CHRM5: variants seen among roughly 807,000 people sequenced by gnomAD.
CHRM5 encodes muscarinic acetylcholine receptor M5.
A neutral mutation model predicts 39.0 loss-of-function variants in CHRM5; 18 were observed. The ratio of observed to expected loss-of-function variants is 0.46; its 90% CI spans 0.32 to 0.68. The LOEUF (loss-of-function observed/expected upper bound fraction) is 0.68. Among genes scored for constraint, CHRM5 ranks in the 30% least tolerant of loss-of-function variants. CHRM5 has a pLI of 0.04. For missense variants in CHRM5, 515 were observed against 651.1 expected, an observed-to-expected ratio of 0.79 and a Z score of 2.28; for synonymous variants, 241 against 246.3, an observed-to-expected ratio of 0.98 and a Z score of 0.20.
Position 34,009,981 on chromosome 15 carries a change from CAT to C in CHRM5, c.-407-36557_-407-36556del, listed in dbSNP as rs1177610579. 7.2e-5 allele frequency among the ~76,000 whole-genome samples: 11 copies of C among 151,806 alleles called. No individual in the cohort carries two copies. The East Asian group carries it at 2.1e-3, about 29-fold the overall frequency. On this transcript the variant is annotated intron_variant, in intron 1 of 2. Coordinates refer to ENST00000383263, the MANE Select transcript of CHRM5 (RefSeq NM_012125.4). ...TGTCTCTTAAAAGAAAAAAAAGAAA[CAT>C]AATAATTATGAACATATAAACATAT...
intron 1 of CHRM5, among the ~76,000 whole-genome samples, chr15:34,005,747 C>A (rs552677943): frequency 6.6e-6 from 1 of 152,286 alleles, no homozygotes; most frequent in East Asian, 1.9e-4. Flanking sequence ...AAATTTAACA[C>A]TAGTCAATAA....
intron 1 of CHRM5, among the ~76,000 whole-genome samples, chr15:34,023,137 C>T (rs1004755698): frequency 3.9e-5 from 6 of 152,032 alleles, no homozygotes; most frequent in Admixed American, 6.6e-5. Flanking sequence ...ACTGAGATCG[C>T]GCCACTGCGC....
intron 1 of CHRM5, among the ~76,000 whole-genome samples, chr15:33,997,080 G>GA (rs1170055566): frequency 3.3e-5 from 5 of 152,012 alleles, no homozygotes; most frequent in Admixed American, 6.6e-5. Flanking sequence ...CATTCTTCAG[G>GA]AAAAAAAGCA....
At chr15:34,026,188 T>C (rs1355080733) in intron 1 of CHRM5, among the ~76,000 whole-genome samples, 1 of 152,232 alleles carries the variant, frequency 6.6e-6, no homozygotes, top group Non-Finnish European at 1.5e-5. Context: ...ATTGTCATTT[T>C]TTTTTTACTT....
intron 1 of CHRM5, among the ~76,000 whole-genome samples, chr15:34,036,695 T>C (rs1314725325): frequency 6.6e-6 from 1 of 152,170 alleles, no homozygotes; most frequent in Non-Finnish European, 1.5e-5. Context: ...GCTGAAAACA[T>C]GATGATGAAG....
At chr15:33,986,554 G>A (rs953738496) in intron 1 of CHRM5, among the ~76,000 whole-genome samples, 75 of 152,190 alleles carry the variant, frequency 4.9e-4, no homozygotes, top group Non-Finnish European at 1.0e-3. Context: ...GAAACTTAAT[G>A]ATTTTTTAAA....
chr15:34,033,195 A>T (rs914066422), intron 1 of CHRM5, among the ~76,000 whole-genome samples: 101 of 152,258 alleles, frequency 6.6e-4, no homozygotes, highest in African/African-American at 2.0e-3. Flanking sequence ...TTCACAATGA[A>T]GTTTTACCTT....
rs1284483176 is a variant in CHRM5, at chr15:34,066,348, T to G, written c.*2032T>G. The stretch of plus-strand genomic sequence containing the variant: ...TGAAAACCCCTTCATGAGAATAGGC[T>G]TTTAAGCCCATGTTGGGCATTCACC... On this transcript the variant is annotated 3_prime_UTR_variant, in exon 3 of 3. Coordinates refer to ENST00000383263, the MANE Select transcript of CHRM5 (RefSeq NM_012125.4). 2.0e-5 allele frequency: 3 copies of G among 152,244 alleles called. No homozygotes were observed. Among genetic ancestry groups the G allele is most frequent in the African/African-American group, 7.2e-5 (3 of 41,456 alleles). The allele number at this position is 152,244 out of a possible 1,614,324, so 9.4% of individuals were successfully genotyped here. A position where few individuals can be genotyped will look rare whatever the true frequency, so the allele number is the denominator to read the frequency against.
chr15:34,003,638 G>A (rs570017661), intron 1 of CHRM5, among the ~76,000 whole-genome samples: 1 of 152,208 alleles, frequency 6.6e-6, no homozygotes, highest in African/African-American at 2.4e-5. Flanking sequence ...TAATTTTTTA[G>A]AGCAATGAAA....
chr15:33,993,725 T>G (rs530113765), intron 1 of CHRM5, among the ~76,000 whole-genome samples: 16 of 152,284 alleles, frequency 1.1e-4, no homozygotes, highest in African/African-American at 3.8e-4. Flanking sequence ...TACCGGGCCC[T>G]CCTCAATCAT....
At position 34,063,943 on chromosome 15, in the gene CHRM5, T is replaced by A. The variant is rs1177548497; in HGVS notation, c.1226T>A (p.Val409Glu). 1 of 1,614,150 alleles carries A rather than the reference T, an allele frequency of 6.2e-7. No individual in the cohort carries two copies. The highest frequency in any genetic ancestry group is 8.5e-7 in the Non-Finnish European group (1 of 1,180,026). ...AAAATCATGCCCTGCCCCTTCCCAG[T>A]GGCCAAGGAACCTTCAACGAAAGGC... ...KVKIMPCPFP[V>E]AKEPSTKGLN... Residue 409 changes from valine (V) to glutamate (E), a missense_variant, in exon 3 of 3, where the codon GTG (valine) becomes GAG (glutamate). By Grantham distance (121) the Val-to-Glu change is moderately radical. Transcript: ENST00000383263. This position sits in a 1 kb window ranked among gnomAD's most constrained non-coding sequence, Gnocchi z 4.1.
At position 34,062,820 on chromosome 15, in the gene CHRM5, G is replaced by T; in HGVS notation, c.103G>T (p.Ala35Ser). 4 of 1,614,210 alleles carry T rather than the reference G, an allele frequency of 2.5e-6. No individual in the cohort carries two copies. The highest frequency in any genetic ancestry group is 2.2e-5 in the South Asian group (2 of 91,080). ...HRLWEVITIA[A>S]VTAVVSLITI... ...GTTGTGGGAAGTCATCACCATTGCA[G>T]CTGTGACTGCTGTGGTAAGCCTGAT... Residue 35 changes from alanine (A) to serine (S), a missense_variant, in exon 3 of 3, where the codon GCT (alanine) becomes TCT (serine). Physicochemically the swap from Ala to Ser is moderately conservative, Grantham distance 99. Coordinates refer to ENST00000383263, the MANE Select transcript of CHRM5 (RefSeq NM_012125.4).
At chr15:34,012,193 C>T (rs1263918434) in intron 1 of CHRM5, among the ~76,000 whole-genome samples, 1 of 152,140 alleles carries the variant, frequency 6.6e-6, no homozygotes, top group Non-Finnish European at 1.5e-5. Flanking sequence ...ATTAAATGGT[C>T]CTATATAAAG....
At chr15:34,015,888 T>C (rs1005920375) in intron 1 of CHRM5, among the ~76,000 whole-genome samples, 6 of 152,200 alleles carry the variant, frequency 3.9e-5, no homozygotes, top group Non-Finnish European at 8.8e-5. Flanking sequence ...GAATCAACAA[T>C]TGGAGACAGT....
At chr15:33,989,456 A>G (rs1000515540) in intron 1 of CHRM5, among the ~76,000 whole-genome samples, 1 of 151,958 alleles carries the variant, frequency 6.6e-6, no homozygotes, top group Non-Finnish European at 1.5e-5. Flanking sequence ...AGTTTAAAAA[A>G]AAAAAAAAGG....
At chr15:34,048,585 G>T (rs557027928) in intron 2 of CHRM5, among the ~76,000 whole-genome samples, 3 of 152,014 alleles carry the variant, frequency 2.0e-5, no homozygotes, top group African/African-American at 7.2e-5. Context: ...AGGGGCAGCC[G>T]CCATCTCTAC....
At chr15:34,062,565 A>AAC (rs1900372869) in intron 2 of CHRM5, 78 bp from the exon 3 acceptor site, 3 of 677,284 alleles carry the variant, frequency 4.4e-6, no homozygotes, top group Non-Finnish European at 7.0e-6. Context: ...AAAAAAAAAA[A>AAC]AAAAAAAAAC....
chr15:33,999,605 C>T lies in CHRM5; in HGVS notation c.-408+30455C>T, dbSNP rs145686610. 2.4e-4 allele frequency among the ~76,000 whole-genome samples: 36 copies of T among 152,298 alleles called. No homozygotes were observed. The East Asian group carries it at 5.8e-3, about 24-fold the overall frequency. On this transcript the variant is annotated intron_variant, in intron 1 of 2. Coordinates refer to ENST00000383263, the MANE Select transcript of CHRM5 (RefSeq NM_012125.4). ...TCCTTACGTATCTTTTTCTCTCATA[C>T]CCAGCATTTGCAAGTGCTCTCTGCT...
In CHRM5 at chr15:33,983,170, GTA is replaced by G. The variant is rs1555512775; in HGVS notation, c.-408+14027_-408+14028del. Among the ~76,000 whole-genome samples, 326 of 126,604 alleles carry G rather than the reference GTA, an allele frequency of 2.6e-3. 5 individuals are homozygous for G. The highest frequency in any genetic ancestry group is 0.01 in the South Asian group (39 of 3,846). The allele number at this position is 126,604 out of a possible 152,430, so 83.1% of individuals were successfully genotyped here. Reference sequence around the variant, plus strand: ...TGTGTGTGTGTGTGTATGTGTGTGTGTATATATACACACGTGTGTGTATGTGT... The same window carrying G: ...TGTGTGTGTGTGTGTATGTGTGTGTGTATATACACACGTGTGTGTATGTGT... On this transcript the variant is annotated intron_variant, in intron 1 of 2. Transcript: ENST00000383263.
Sources: allele counts gnomAD v4.1 joint callset (sites outside exome capture counted in the v4.1 genomes callset), GRCh38; gene constraint gnomAD v4.1.1; non-coding constraint Gnocchi (gnomAD v3.1); transcripts MANE v1.5; gene names NCBI Gene and HGNC (gene_info 2026-07-23, HGNC 2026-07-21).